FYB1: variants seen among roughly 807,000 people sequenced by gnomAD.
FYB1 encodes FYN-binding protein 1.
Under a neutral mutation model 94.1 loss-of-function variants are expected in FYB1, and 41 were observed. The ratio of observed to expected loss-of-function variants is 0.44; its 90% CI spans 0.34 to 0.57. FYB1 has a LOEUF of 0.57. FYB1 is among the 20% of genes least tolerant of loss of function. The pLI is 0.02. For missense variants in FYB1, 1,050 were observed against 976.8 expected, an observed-to-expected ratio of 1.07 and a Z score of -1.00; for synonymous variants, 367 against 353.2, an observed-to-expected ratio of 1.04 and a Z score of -0.44.
chr5:39,231,225 T>C (rs2150571469), intron 1 of FYB1, among the ~76,000 whole-genome samples: 1 of 151,332 alleles, frequency 6.6e-6, no homozygotes. Context: ...TGCCCTGGGA[T>C]TTCTGTGTTA....
intron 16 of FYB1, among the ~76,000 whole-genome samples, chr5:39,115,098 A>ATTTT (rs10652993): frequency 4.2e-5 from 6 of 144,280 alleles, no homozygotes; most frequent in East Asian, 2.1e-4. Flanking sequence ...GAAACACATA[A>ATTTT]TTTTTTTTTT....
At position 39,202,153 on chromosome 5, in the gene FYB1, T is replaced by C; in HGVS notation, c.808A>G (p.Arg270Gly). 2 of 1,614,036 alleles carry C rather than the reference T, an allele frequency of 1.2e-6. No individual in the cohort carries two copies. The highest frequency in any genetic ancestry group is 1.7e-6 in the Non-Finnish European group (2 of 1,179,892). The change falls in exon 2 of 19, where the codon AGG (arginine) becomes GGG (glycine). Residue 270 changes from arginine (R) to glycine (G), a missense_variant. Coordinates refer to ENST00000512982, the MANE Select transcript of FYB1 (RefSeq NM_001465.6). ...PGVVLKPAAS[R>G]GGPGLSKNGE... ...TTTTTGGAGAGACCTGGGCCTCCCC[T>C]GCTCGCAGCAGGTTTCAAAACCACT...
intron 1 of FYB1, among the ~76,000 whole-genome samples, chr5:39,207,040 C>A (rs1011250560): frequency 6.6e-6 from 1 of 152,060 alleles, no homozygotes; most frequent in Admixed American, 6.5e-5. Context: ...CATATTGGTG[C>A]GTGTTATTTG....
chr5:39,240,658 A>G (rs765452306), intron 1 of FYB1, among the ~76,000 whole-genome samples: 25 of 152,244 alleles, frequency 1.6e-4, no homozygotes, highest in Non-Finnish European at 2.6e-4. Flanking sequence ...GTTATTAAAA[A>G]GTCAAAAAAT....
intron 1 of FYB1, among the ~76,000 whole-genome samples, chr5:39,253,651 T>C (rs1248789369): frequency 6.6e-6 from 1 of 151,412 alleles, no homozygotes; most frequent in Admixed American, 6.6e-5. Flanking sequence ...TGTTGTAAGG[T>C]ATAGGATTGT....
At chr5:39,174,335 G>C (rs1260898725) in intron 2 of FYB1, among the ~76,000 whole-genome samples, 1 of 152,162 alleles carries the variant, frequency 6.6e-6, no homozygotes, top group Non-Finnish European at 1.5e-5. Context: ...TAGAACAAAT[G>C]ACCAAGGAAT....
chr5:39,216,422 C>A lies in FYB1; in HGVS notation c.-28+3021G>T, dbSNP rs111492848. On this transcript the variant is annotated intron_variant, in intron 1 of 18. Transcript: ENST00000512982. ...TTGTTTTTAAATTTTATTTTAAGTT[C>A]TTTCTGGGATACATGTGCGGGATGT... Among the ~76,000 whole-genome samples the A allele has an allele frequency of 9.3e-4, 142 of 152,106 alleles. 2 individuals carry two copies. The highest frequency in any genetic ancestry group is 3.2e-3 in the African/African-American group (134 of 41,466).
At chr5:39,158,045 T>A (rs370333265) in intron 2 of FYB1, among the ~76,000 whole-genome samples, 3 of 151,784 alleles carry the variant, frequency 2.0e-5, no homozygotes, top group African/African-American at 7.3e-5. Context: ...ACAAAAAAAA[T>A]TAAGGAAAAT....
At chr5:39,131,312 A>T (rs1251481147) in intron 9 of FYB1, among the ~76,000 whole-genome samples, 3 of 152,278 alleles carry the variant, frequency 2.0e-5, no homozygotes, top group Non-Finnish European at 4.4e-5. Flanking sequence ...AAATCCCAGA[A>T]ATCATCTCTT....
intron 1 of FYB1, among the ~76,000 whole-genome samples, chr5:39,251,471 T>C (rs148115897): frequency 2.4e-4 from 36 of 152,256 alleles, no homozygotes; most frequent in African/African-American, 8.7e-4. Context: ...CCATATGGGC[T>C]GCTCTCTACT....
chr5:39,260,207 T>C (rs1009930759), intron 1 of FYB1, among the ~76,000 whole-genome samples: 2 of 152,200 alleles, frequency 1.3e-5, no homozygotes, highest in South Asian at 2.1e-4. Context: ...TTCTAAAGAA[T>C]TGAAGAAAGT....
chr5:39,185,600 A>T (rs1251398637), intron 2 of FYB1, among the ~76,000 whole-genome samples: 1 of 146,670 alleles, frequency 6.8e-6, no homozygotes, highest in African/African-American at 2.5e-5. Context: ...ATATATACAT[A>T]TATATACACA....
At chr5:39,256,842 G>A (rs1371892197) in intron 1 of FYB1, among the ~76,000 whole-genome samples, 1 of 152,166 alleles carries the variant, frequency 6.6e-6, no homozygotes, top group African/African-American at 2.4e-5. Context: ...ATTTCTCTCG[G>A]ATGAATGTCC....
intron 11 of FYB1, among the ~76,000 whole-genome samples, chr5:39,126,373 C>A (rs1740671653): frequency 6.6e-6 from 1 of 151,924 alleles, no homozygotes; most frequent in East Asian, 1.9e-4. Context: ...TCTCCCACTT[C>A]TTAAAATGTG....
At chr5:39,252,799 G>C (rs1177764972) in intron 1 of FYB1, among the ~76,000 whole-genome samples, 1 of 152,204 alleles carries the variant, frequency 6.6e-6, no homozygotes, top group Non-Finnish European at 1.5e-5. Flanking sequence ...CTTTCTGGCT[G>C]CTAATCACTT....
intron 2 of FYB1, among the ~76,000 whole-genome samples, chr5:39,162,717 GAT>G (rs1491428277): frequency 1.1e-5 from 1 of 91,250 alleles, no homozygotes; most frequent in Non-Finnish European, 3.1e-5. Flanking sequence ...GCCGTTTAGT[GAT>G]TTTTTTTTTT....
intron 1 of FYB1, among the ~76,000 whole-genome samples, chr5:39,232,003 G>A (rs1239794694): frequency 6.6e-6 from 1 of 152,104 alleles, no homozygotes; most frequent in Non-Finnish European, 1.5e-5. Context: ...AAGCTTCAGG[G>A]ATACGGATGA....
intron 1 of FYB1, among the ~76,000 whole-genome samples, chr5:39,256,956 T>C (rs1191356187): frequency 6.6e-6 from 1 of 152,230 alleles, no homozygotes; most frequent in Non-Finnish European, 1.5e-5. Context: ...AGTCAAACAT[T>C]TTCATGTAAG....
At chr5:39,225,951 G>A (rs1426894087) in intron 1 of FYB1, among the ~76,000 whole-genome samples, 1 of 142,890 alleles carries the variant, frequency 7.0e-6, no homozygotes, top group African/African-American at 2.5e-5. Flanking sequence ...CAAGCCCACA[G>A]TCTGATCCAA....
Sources: gnomAD v4.1 joint callset for allele counts (sites outside exome capture counted in the v4.1 genomes callset) on GRCh38, gnomAD v4.1.1 for gene constraint, MANE v1.5 for transcripts, NCBI Gene and HGNC (gene_info 2026-07-23, HGNC 2026-07-21) for gene names.